The following CEMIP2 variants were observed in gnomAD, a reference collection of about 807,000 sequenced individuals.
CEMIP2 encodes the protein cell migration inducing hyaluronidase 2.
Under a neutral mutation model 146.9 loss-of-function variants are expected in CEMIP2, and 79 were observed. The ratio of observed to expected loss-of-function variants is 0.54; its 90% confidence interval spans 0.45 to 0.65. The LOEUF is 0.65. Among genes scored for constraint, CEMIP2 ranks in the 30% least tolerant of loss-of-function variants. The pLI, the probability that CEMIP2 is intolerant of heterozygous loss-of-function variation, is 0.00. For synonymous variants in CEMIP2, 601 were observed against 606.3 expected (o/e 0.99, Z 0.13); for missense variants, 1,596 against 1,696.2 (o/e 0.94, Z 1.04).
At position 71,755,346 on chromosome 9, in the gene CEMIP2, T is replaced by TACACAC. The variant is rs34581447; in HGVS notation, c.-12-4967_-12-4962dup. ...GGAACCTAGTGAGACACCCTGTCTC[T>TACACAC]ACACACACACACACACACACACACA... is the stretch of plus-strand genomic sequence containing the variant. On this transcript the variant is annotated intron_variant, in intron 1 of 23. Coordinates refer to ENST00000377044, the MANE Select transcript of CEMIP2 (RefSeq NM_013390.3). 9.9e-4 allele frequency among the ~76,000 whole-genome samples: 133 copies of TACACAC among 134,924 alleles called. 2 individuals are homozygous for TACACAC. The highest frequency in any genetic ancestry group is 1.9e-3 in the Admixed American group (25 of 13,426). 88.5% of individuals were successfully genotyped at this position (134,924 alleles called of 152,430 possible). A position where few individuals can be genotyped will look rare whatever the true frequency, so the allele number is the denominator to read the frequency against.
chr9:71,756,774 G>C (rs769258771), intron 1 of CEMIP2, among the ~76,000 whole-genome samples: 1 of 152,108 alleles, frequency 6.6e-6, no homozygotes, highest in Non-Finnish European at 1.5e-5. Flanking sequence ...CTGCAGGAAG[G>C]AATTCTAAAG....
At chr9:71,761,780 A>T (rs989163893) in intron 1 of CEMIP2, among the ~76,000 whole-genome samples, 1 of 152,176 alleles carries the variant, frequency 6.6e-6, no homozygotes, top group Non-Finnish European at 1.5e-5. Context: ...GAGTAGGGAG[A>T]CAACACAAGT....
chr9:71,687,806 C>T (rs760192423), intron 22 of CEMIP2, among the ~76,000 whole-genome samples: 9 of 152,196 alleles, frequency 5.9e-5, no homozygotes, highest in East Asian at 1.9e-4. Flanking sequence ...GTCAAGACTA[C>T]ATTGAGCTGT....
Position 71,729,851 on chromosome 9 carries a change from G to A in CEMIP2, c.2043C>T (p.Gly681=), listed in dbSNP as rs1564013688. ...TCACTTTAACGTTATTTACCTGTGAGCCTGCAGCTGCATTATTAATCAGAT... is the reference window on the plus strand; with the variant it reads ...TCACTTTAACGTTATTTACCTGTGAACCTGCAGCTGCATTATTAATCAGAT... ...NNNLINNAAA[G]SQDAGIWYLF... The change falls in exon 10 of 24, where the codon GGC becomes GGT. Residue 681 remains glycine (G), a synonymous_variant. Transcript: ENST00000377044. 1 of 1,614,012 alleles carries A rather than the reference G, an allele frequency of 6.2e-7. No homozygotes were observed. The highest frequency in any genetic ancestry group is 8.5e-7 in the Non-Finnish European group (1 of 1,179,896).
In CEMIP2 at chr9:71,704,719, C is replaced by T. The variant is rs1162176498; in HGVS notation, c.3070G>A (p.Gly1024Ser). The change falls in exon 18 of 24, where the codon GGT (glycine) becomes AGT (serine). Residue 1024 changes from glycine (G) to serine (S), a missense_variant. Physicochemically the swap from Gly to Ser is moderately conservative, Grantham distance 56. Transcript: ENST00000377044. ...GGAAAGGCAGCCTTCTGATTAATAC[C>T]TCGGAGCACCATAGGGTTGGACGGA... ...EYPSNPMVLR[G>S]INQKAAFPQY... 1 of 1,614,140 alleles carries T rather than the reference C, an allele frequency of 6.2e-7. No homozygotes were observed. Among genetic ancestry groups the T allele is most frequent in the African/African-American group, 1.3e-5 (1 of 75,000 alleles).
At chr9:71,706,580 A>T (rs1303992361) in intron 17 of CEMIP2, among the ~76,000 whole-genome samples, 1 of 152,256 alleles carries the variant, frequency 6.6e-6, no homozygotes, top group Non-Finnish European at 1.5e-5. Context: ...TTACTGAGTG[A>T]ATGTTGAATA....
chr9:71,725,420 AG>A (rs1564010527), intron 11 of CEMIP2, among the ~76,000 whole-genome samples, 160 bp downstream of exon 11: 1 of 152,206 alleles, frequency 6.6e-6, no homozygotes, highest in Non-Finnish European at 1.5e-5. Flanking sequence ...TGGACTTCCC[AG>A]CCTTCAGAAG....
At chr9:71,701,993 C>T (rs564102203) in intron 18 of CEMIP2, among the ~76,000 whole-genome samples, 1 of 152,260 alleles carries the variant, frequency 6.6e-6, no homozygotes, top group South Asian at 2.1e-4. Flanking sequence ...CGGAGTGGCT[C>T]ATGCCTATAA....
intron 22 of CEMIP2, among the ~76,000 whole-genome samples, chr9:71,689,608 T>C (rs1822168474): frequency 6.6e-6 from 1 of 152,178 alleles, no homozygotes; most frequent in African/African-American, 2.4e-5. Context: ...ACTTCCTGTA[T>C]CACAATCATA....
At chr9:71,746,178 C>A in intron 3 of CEMIP2, 23 bp downstream of exon 3, 2 of 1,608,488 alleles carry the variant, frequency 1.2e-6, no homozygotes, top group African/African-American at 1.3e-5. Context: ...TTGCAGTTCC[C>A]ATAGGCAGGA....
intron 14 of CEMIP2, 148 bp from the exon 15 acceptor site, chr9:71,715,237 CTTTTTTTTTTTTT>C (rs34322815): frequency 1.7e-5 from 4 of 232,756 alleles, no homozygotes; most frequent in Non-Finnish European, 2.9e-5. Flanking sequence ...TCAGAAACTG[CTTTTTTTTTTTTT>C]TTTTTTTTTT....
At position 71,690,183 on chromosome 9, in the gene CEMIP2, T is replaced by G. The variant is rs768748017; in HGVS notation, c.3760A>C (p.Ser1254Arg). The stretch of plus-strand genomic sequence containing the variant: ...TTTTCCGTCAAGCGGAATGGAACGC[T>G]GCACGGATCCACAACAAGGAGGAGG... The part of the protein sequence containing the change: ...GVLLLVVDPC[S>R]VPFRLTEKTV... The change falls in exon 22 of 24, where the codon AGC becomes CGC. Residue 1254 changes from serine (S) to arginine (R), a missense_variant. Ser to Arg is a moderately radical substitution (Grantham distance 110). Transcript: ENST00000377044. 6.2e-7 allele frequency: 1 copy of G among 1,614,154 alleles called. No individual in the cohort carries two copies. The highest frequency in any genetic ancestry group is 8.5e-7 in the Non-Finnish European group (1 of 1,180,014).
intron 13 of CEMIP2, 55 bp downstream of exon 13, chr9:71,717,893 T>C: frequency 2.0e-6 from 3 of 1,520,550 alleles, no homozygotes; most frequent in Non-Finnish European, 2.6e-6. Flanking sequence ...TTAAAAAAAA[T>C]CTGAAAAATA....
At chr9:71,757,051 A>G (rs1019990421) in intron 1 of CEMIP2, among the ~76,000 whole-genome samples, 2 of 152,182 alleles carry the variant, frequency 1.3e-5, no homozygotes, top group African/African-American at 4.8e-5. Context: ...AATATGCAAG[A>G]CAAAGGTACT....
intron 16 of CEMIP2, among the ~76,000 whole-genome samples, chr9:71,709,922 TATG>T (rs906167803): frequency 1.3e-5 from 2 of 152,204 alleles, no homozygotes; most frequent in Non-Finnish European, 2.9e-5. Context: ...ATAAAAAATC[TATG>T]ATAAGTTATC....
chr9:71,713,642 G>A (rs980965196), intron 15 of CEMIP2, among the ~76,000 whole-genome samples: 7 of 152,058 alleles, frequency 4.6e-5, no homozygotes, highest in Non-Finnish European at 1.0e-4. Flanking sequence ...TTGATTTGGC[G>A]ACCATCACAT....
intron 5 of CEMIP2, 49 bp from the exon 6 acceptor site, chr9:71,735,043 T>C (rs749554305): frequency 1.8e-5 from 28 of 1,537,688 alleles, no homozygotes; most frequent in Non-Finnish European, 2.4e-5. Flanking sequence ...ATTAACAGTA[T>C]TTTTTTCTCT....
chr9:71,738,640 C>A (rs1041406999), intron 5 of CEMIP2, among the ~76,000 whole-genome samples: 1 of 151,792 alleles, frequency 6.6e-6, no homozygotes, highest in South Asian at 2.1e-4. Flanking sequence ...GAGTTCAAGA[C>A]CAGCCTGGCC....
chr9:71,726,528 G>A (rs1589147899), intron 10 of CEMIP2, among the ~76,000 whole-genome samples: 1 of 152,132 alleles, frequency 6.6e-6, no homozygotes, highest in East Asian at 1.9e-4. Flanking sequence ...CCCACTATAT[G>A]CCAGGTATAC....
Sources: gnomAD v4.1 joint callset for allele counts (sites outside exome capture counted in the v4.1 genomes callset) on GRCh38, gnomAD v4.1.1 for gene constraint, MANE v1.5 for transcripts, NCBI Gene and HGNC (gene_info 2026-07-23, HGNC 2026-07-21) for gene names.